Variants in CACNA1B observed in about 807,000 individuals in gnomAD.
CACNA1B encodes the protein calcium voltage-gated channel subunit alpha1 B, also known as voltage-dependent N-type calcium channel subunit alpha-1B.
In CACNA1B, 70 loss-of-function variants were observed where a neutral mutation model predicts 247.2. The ratio of observed to expected loss-of-function variants is 0.28; its 90% CI spans 0.23 to 0.35. The LOEUF is 0.35. Ranked by LOEUF, CACNA1B falls within the 10% of genes least tolerant of loss-of-function variation. The pLI is 1.00. For missense variants in CACNA1B, 2,367 were observed against 3,197.4 expected (o/e 0.74, Z 6.26); for synonymous variants, 1,231 against 1,294.4 (o/e 0.95, Z 1.05).
At chr9:138,107,901 C>T (rs1053416876) in intron 39 of CACNA1B, among the ~76,000 whole-genome samples, 3 of 151,516 alleles carry the variant, frequency 2.0e-5, no homozygotes, top group African/African-American at 7.3e-5. Flanking sequence ...AGGAGAATGG[C>T]GTGAACCCAG....
At position 138,051,722 on chromosome 9, in the gene CACNA1B, C is replaced by G. The variant is rs1193282684; in HGVS notation, c.3711-370C>G. Among the ~76,000 whole-genome samples, 6 of 152,160 alleles carry G rather than the reference C, an allele frequency of 3.9e-5. No homozygotes were observed. The highest frequency in any genetic ancestry group is 8.8e-5 in the Non-Finnish European group (6 of 68,026). ...AAAAAGCCCTTCCAGAAGATTCTCG[C>G]CCTAGAAACGTGCTTGTGGGCTCCC... On this transcript the variant is annotated intron_variant, in intron 24 of 46. Coordinates refer to ENST00000371372, the MANE Select transcript of CACNA1B (RefSeq NM_000718.4). The surrounding 1 kb of genome is among the most constrained non-coding windows in gnomAD (Gnocchi z 4.3).
chr9:138,068,519 T>A, intron 31 of CACNA1B: 1 of 492,988 alleles, frequency 2.0e-6, no homozygotes, highest in Non-Finnish European at 4.0e-6. Context: ...CTCCTCCCTG[T>A]GCGTCTCGCC....
rs1589063782 is a variant in CACNA1B, at chr9:138,007,523, C to A, written c.2092+639C>A. Among the ~76,000 whole-genome samples the A allele has an allele frequency of 2.0e-5, 3 of 152,118 alleles. No individual in the cohort carries two copies. Among genetic ancestry groups the A allele is most frequent in the Non-Finnish European group, 2.9e-5 (2 of 68,014 alleles). On this transcript the variant is annotated intron_variant, in intron 16 of 46. Coordinates refer to ENST00000371372, the MANE Select transcript of CACNA1B (RefSeq NM_000718.4). The surrounding 1 kb of genome is among the most constrained non-coding windows in gnomAD (Gnocchi z 4.1). Reference sequence around the variant, plus strand: ...GCTATGACAGGCAGTGTGAGTGGGTCCCCCTGTAGCTGGGGTGGGAAGTTC... The same window carrying A: ...GCTATGACAGGCAGTGTGAGTGGGTACCCCTGTAGCTGGGGTGGGAAGTTC...
chr9:137,978,709 CTG>C (rs34572708), intron 12 of CACNA1B, among the ~76,000 whole-genome samples: 39,659 of 152,088 alleles, frequency 0.26, 7,174 homozygotes, highest in African/African-American at 0.51. Context: ...ACATTTGTGT[CTG>C]TGATTTTGTT....
At chr9:137,878,262 G>T in intron 1 of CACNA1B, 45 bp downstream of exon 1, 8 of 1,159,202 alleles carry the variant, frequency 6.9e-6, no homozygotes, top group Non-Finnish European at 7.6e-6. Flanking sequence ...GGGGACCGGG[G>T]TGGGGGCCGG....
Position 138,054,226 on chromosome 9 carries a change from C to G in CACNA1B, c.3968+220C>G, listed in dbSNP as rs539099716. 2.6e-5 allele frequency among the ~76,000 whole-genome samples: 4 copies of G among 152,324 alleles called. No homozygotes were observed. Among genetic ancestry groups the G allele is most frequent in the African/African-American group, 4.8e-5 (2 of 41,580 alleles). On this transcript the variant is annotated intron_variant, in intron 26 of 46. Transcript: ENST00000371372. This position sits in a 1 kb window ranked among gnomAD's most constrained non-coding sequence, Gnocchi z 4.6. ...CCCTCCCCAGCACCACACCAGGGAC[C>G]CCCAGCACTTCCTCCTCAGCAGAGT...
intron 42 of CACNA1B, among the ~76,000 whole-genome samples, 155 bp downstream of exon 42, chr9:138,115,834 T>A (rs371589134): frequency 1.2e-3 from 181 of 152,284 alleles, no homozygotes; most frequent in African/African-American, 4.0e-3. Context: ...GTGTCTGCCA[T>A]CCGACCCTGC....
Position 138,058,261 on chromosome 9 carries a change from G to C in CACNA1B, c.4308+11G>C. 8 of 1,602,792 alleles carry C rather than the reference G, an allele frequency of 5.0e-6. No individual in the cohort carries two copies. Among genetic ancestry groups the C allele is most frequent in the Non-Finnish European group, 6.0e-6 (7 of 1,170,118 alleles). The stretch of plus-strand genomic sequence containing the variant: ...CTGGAGAAGAACGAGGTAGGTGGAC[G>C]CTCTGTGGAGTCTTGCAGTGGACAG... On this transcript the variant is annotated intron_variant, in intron 28 of 46. Coordinates refer to ENST00000371372, the MANE Select transcript of CACNA1B (RefSeq NM_000718.4). The surrounding 1 kb of genome is among the most constrained non-coding windows in gnomAD (Gnocchi z 4.7).
chr9:138,105,104 T>C (rs1273793330), intron 38 of CACNA1B, among the ~76,000 whole-genome samples: 2 of 152,264 alleles, frequency 1.3e-5, no homozygotes, highest in African/African-American at 2.4e-5. Context: ...TGCGCAGAGA[T>C]GGGCTCTGCC....
intron 36 of CACNA1B, 135 bp downstream of exon 36, chr9:138,078,393 G>C (rs1027745883): frequency 2.3e-6 from 2 of 853,812 alleles, no homozygotes; most frequent in African/African-American, 1.7e-5. Context: ...GATGGCCCTT[G>C]TTTCCCCAGA....
intron 18 of CACNA1B, among the ~76,000 whole-genome samples, chr9:138,019,675 G>C (rs1055315637): frequency 6.6e-6 from 1 of 152,238 alleles, no homozygotes; most frequent in Non-Finnish European, 1.5e-5. Context: ...CTTGCTGGCA[G>C]CCAGCATGGA....
intron 12 of CACNA1B, among the ~76,000 whole-genome samples, chr9:137,978,318 G>T (rs1379158948): frequency 1.4e-5 from 2 of 146,880 alleles, no homozygotes; most frequent in Non-Finnish European, 3.0e-5. Flanking sequence ...GGAGTGATGG[G>T]AGCACTTCCC....
intron 39 of CACNA1B, among the ~76,000 whole-genome samples, chr9:138,109,714 C>CA (rs1366270751): frequency 1.3e-5 from 2 of 152,148 alleles, no homozygotes; most frequent in African/African-American, 4.8e-5. Flanking sequence ...TTACCCTGTA[C>CA]AAAAAATAAC....
Position 138,120,823 on chromosome 9 carries a change from C to G in CACNA1B, c.6431C>G (p.Ser2144Cys). 6 of 1,568,216 alleles carry G rather than the reference C, an allele frequency of 3.8e-6. No homozygotes were observed. Among genetic ancestry groups the G allele is most frequent in the Non-Finnish European group, 5.2e-6 (6 of 1,156,834 alleles). ...GGREPPKPKPSLSSHPTSPTA... is the reference protein window; with the variant it reads ...GGREPPKPKPCLSSHPTSPTA... ...CGTGAGCCCCCGAAGCCCAAGCCCTCCCTCAGCAGCCACCCAACGTCGCCA... is the reference window on the plus strand; with the variant it reads ...CGTGAGCCCCCGAAGCCCAAGCCCTGCCTCAGCAGCCACCCAACGTCGCCA... The change falls in exon 46 of 47, where the codon TCC (serine) becomes TGC (cysteine). Residue 2144 changes from serine to cysteine, a missense_variant. Physicochemically the swap from Ser to Cys is moderately radical, Grantham distance 112 (BLOSUM62 -1). Coordinates refer to ENST00000371372, the MANE Select transcript of CACNA1B (RefSeq NM_000718.4).
At position 138,117,972 on chromosome 9, in the gene CACNA1B, A is replaced by G. The variant is rs1331477131; in HGVS notation, c.5804A>G (p.Glu1935Gly). The change falls in exon 43 of 47, where the codon GAG becomes GGG. Residue 1935 changes from glutamate (E) to glycine (G), a missense_variant. Glu to Gly is a moderately conservative substitution (Grantham distance 98). Coordinates refer to ENST00000371372, the MANE Select transcript of CACNA1B (RefSeq NM_000718.4). ...CAAAACCAAGAGAGTGGCATCAAAG[A>G]GTCTGTCTCCTGGGGCACTCAAAGG... ...AIQNQESGIK[E>G]SVSWGTQRTQ... The G allele has an allele frequency of 1.3e-6, 2 of 1,590,812 alleles. No homozygotes were observed. The highest frequency in any genetic ancestry group is 1.7e-6 in the Non-Finnish European group (2 of 1,166,412).
At chr9:137,893,276 T>C (rs1481351996) in intron 3 of CACNA1B, among the ~76,000 whole-genome samples, 3 of 149,932 alleles carry the variant, frequency 2.0e-5, no homozygotes, top group Non-Finnish European at 1.5e-5. Context: ...TGAGGTTTAT[T>C]ATGTGCTGGC....
In CACNA1B at chr9:138,056,229, C is replaced by G. The variant is rs1364984685; in HGVS notation, c.3969-1503C>G. 2.0e-5 allele frequency among the ~76,000 whole-genome samples: 3 copies of G among 152,326 alleles called. No individual in the cohort carries two copies. The East Asian group carries it at 5.8e-4, about 29-fold the overall frequency. On this transcript the variant is annotated intron_variant, in intron 26 of 46. Transcript: ENST00000371372. ...AAAAAGAAAAACCCGCACCGTTTAA[C>G]TATCATCCCCTACATCCCTGTCCCA...
At chr9:138,053,785 T>C in intron 25 of CACNA1B, 61 bp from the exon 26 acceptor site, 3 of 915,100 alleles carry the variant, frequency 3.3e-6, no homozygotes, top group South Asian at 2.8e-5. Context: ...TTCCCCCTCA[T>C]GGCCCCACTC....
chr9:137,975,690 G>A (rs570687412), intron 11 of CACNA1B, among the ~76,000 whole-genome samples: 1 of 152,286 alleles, frequency 6.6e-6, no homozygotes, highest in Admixed American at 6.5e-5. Flanking sequence ...GAGGCACTAG[G>A]GACTCACCAC....
Sources: allele counts gnomAD v4.1 joint callset (sites outside exome capture counted in the v4.1 genomes callset), GRCh38; gene constraint gnomAD v4.1.1; non-coding constraint Gnocchi (gnomAD v3.1); transcripts MANE v1.5; gene names NCBI Gene and HGNC (gene_info 2026-07-23, HGNC 2026-07-21).